Variants in DPYD observed in about 807,000 individuals in gnomAD.
DPYD encodes the protein dihydropyrimidine dehydrogenase [NADP(+)].
A neutral mutation model predicts 116.2 loss-of-function variants in DPYD; 109 were observed. The ratio of observed to expected loss-of-function variants is 0.94; its 90% CI spans 0.80 to 1.10. The LOEUF (loss-of-function observed/expected upper bound fraction) is 1.10, where lower values mean the gene tolerates loss of function less well. Among genes scored for constraint, DPYD ranks in the 50% least tolerant of loss-of-function variants. DPYD has a pLI of 0.00. For synonymous variants in DPYD, 440 were observed against 432.0 expected (o/e 1.02, Z -0.23); for missense variants, 1,302 against 1,254.5 (o/e 1.04, Z -0.57).
At chr1:97,263,261 G>T (rs1000899503) in intron 18 of DPYD, among the ~76,000 whole-genome samples, 9 of 152,156 alleles carry the variant, frequency 5.9e-5, no homozygotes, top group African/African-American at 2.2e-4. Context: ...AAATTGCATA[G>T]AAGAATTGTA....
chr1:97,336,731 C>T (rs1189017152), intron 16 of DPYD, among the ~76,000 whole-genome samples: 1 of 152,094 alleles, frequency 6.6e-6, no homozygotes, highest in Admixed American at 6.5e-5. Flanking sequence ...GCCTGGGTGA[C>T]AAGAGCAAAA....
chr1:97,109,661 A>T (rs914818728), intron 20 of DPYD, among the ~76,000 whole-genome samples: 3 of 152,022 alleles, frequency 2.0e-5, no homozygotes, highest in African/African-American at 7.2e-5. Flanking sequence ...ATGCAGAAAC[A>T]CCTGTTTTAA....
chr1:97,173,023 T>C (rs1283411369), intron 20 of DPYD, among the ~76,000 whole-genome samples: 1 of 151,474 alleles, frequency 6.6e-6, no homozygotes, highest in East Asian at 2.0e-4. Flanking sequence ...TGTTGAGGAG[T>C]GGTAATTGAA....
At chr1:97,131,684 A>G (rs1653355358) in intron 20 of DPYD, among the ~76,000 whole-genome samples, 1 of 152,148 alleles carries the variant, frequency 6.6e-6, no homozygotes, top group Non-Finnish European at 1.5e-5. Context: ...CTGATCACAT[A>G]TGACTCAATA....
intron 4 of DPYD, among the ~76,000 whole-genome samples, chr1:97,739,186 C>T (rs931181910): frequency 2.0e-5 from 3 of 152,050 alleles, no homozygotes; most frequent in Non-Finnish European, 4.4e-5. Context: ...ACTTCAAAAA[C>T]AGCAATCACT....
intron 3 of DPYD, among the ~76,000 whole-genome samples, chr1:97,778,676 G>C (rs1173496402): frequency 2.0e-5 from 3 of 152,040 alleles, no homozygotes; most frequent in Non-Finnish European, 4.4e-5. Context: ...CATAACAAAA[G>C]GCATTTATTT....
At chr1:97,686,016 T>G (rs1449683811) in intron 7 of DPYD, among the ~76,000 whole-genome samples, 1 of 152,188 alleles carries the variant, frequency 6.6e-6, no homozygotes, top group Non-Finnish European at 1.5e-5. Context: ...AGAGCCCATA[T>G]AGCCAAGACA....
At chr1:97,310,947 A>G (rs1667476038) in intron 16 of DPYD, among the ~76,000 whole-genome samples, 1 of 151,818 alleles carries the variant, frequency 6.6e-6, no homozygotes, top group Non-Finnish European at 1.5e-5. Flanking sequence ...ATCATGCCAC[A>G]ACTTGGAATT....
At chr1:97,591,932 T>C (rs560170147) in intron 10 of DPYD, among the ~76,000 whole-genome samples, 1 of 151,970 alleles carries the variant, frequency 6.6e-6, no homozygotes, top group Admixed American at 6.5e-5. Flanking sequence ...AAAACTACCT[T>C]GGATTTTATA....
At chr1:97,281,728 T>A (rs749188014) in intron 18 of DPYD, among the ~76,000 whole-genome samples, 15 of 151,974 alleles carry the variant, frequency 9.9e-5, no homozygotes, top group Admixed American at 3.9e-4. Flanking sequence ...AAATAGAGGG[T>A]TTAACACACA....
At chr1:97,371,677 A>G (rs917989841) in intron 16 of DPYD, among the ~76,000 whole-genome samples, 6 of 152,232 alleles carry the variant, frequency 3.9e-5, no homozygotes, top group African/African-American at 1.4e-4. Flanking sequence ...ATGTGTCCTC[A>G]GGCAGAGAAA....
intron 16 of DPYD, among the ~76,000 whole-genome samples, chr1:97,352,393 T>C (rs1181053866): frequency 6.6e-6 from 1 of 152,204 alleles, no homozygotes; most frequent in East Asian, 1.9e-4. Context: ...ATCAGTGAAT[T>C]AACTGAATTC....
intron 2 of DPYD, among the ~76,000 whole-genome samples, chr1:97,832,995 G>GAAAAAAAAAAAAAAAAAAA (rs1161903108): frequency 1.7e-5 from 1 of 59,008 alleles, no homozygotes; most frequent in Non-Finnish European, 3.7e-5. Flanking sequence ...AAGAGGCAAA[G>GAAAAAAAAAAAAAAAAAAA]AAAAAAAAAA....
At chr1:97,461,849 T>C (rs990125838) in intron 13 of DPYD, among the ~76,000 whole-genome samples, 2 of 152,188 alleles carry the variant, frequency 1.3e-5, no homozygotes, top group African/African-American at 4.8e-5. Context: ...CAAAAAGCAA[T>C]CTTTATCACA....
At position 97,746,934 on chromosome 1, in the gene DPYD, T is replaced by C. The variant is rs1664591734; in HGVS notation, c.234-6455A>G. ...TTTGGATTTTTTTTGTTGTTGTTAGTGGTGTGTGTTTTTTTTTTGTTGCTA... is the reference window on the plus strand; with the variant it reads ...TTTGGATTTTTTTTGTTGTTGTTAGCGGTGTGTGTTTTTTTTTTGTTGCTA... On this transcript the variant is annotated intron_variant, in intron 3 of 22. Transcript: ENST00000370192. 2.0e-5 allele frequency among the ~76,000 whole-genome samples: 3 copies of C among 151,650 alleles called. No individual in the cohort carries two copies. The South Asian group carries it at 6.2e-4, about 32-fold the overall frequency.
chr1:97,089,613 C>T (rs1476715440), intron 21 of DPYD, among the ~76,000 whole-genome samples: 3 of 152,036 alleles, frequency 2.0e-5, no homozygotes, highest in Non-Finnish European at 4.4e-5. Context: ...CTTTTGATAC[C>T]CTCTTCTTCC....
At chr1:97,572,327 C>T (rs1652958243) in intron 11 of DPYD, among the ~76,000 whole-genome samples, 1 of 151,934 alleles carries the variant, frequency 6.6e-6, no homozygotes, top group African/African-American at 2.4e-5. Flanking sequence ...CCTGCGCGCA[C>T]ACACACACAA....
intron 19 of DPYD, among the ~76,000 whole-genome samples, chr1:97,218,042 G>A (rs71656171): frequency 0.011 from 1,689 of 152,292 alleles, 13 homozygotes; most frequent in South Asian, 0.022. Flanking sequence ...GTTGAGCAAA[G>A]TATTATAAAA....
chr1:97,859,767 T>C (rs1457483468), intron 2 of DPYD, among the ~76,000 whole-genome samples: 2 of 152,192 alleles, frequency 1.3e-5, no homozygotes, highest in East Asian at 1.9e-4. Context: ...TATTTAATAA[T>C]AGTAAAAATA....
Sources: gnomAD v4.1 joint callset for allele counts (sites outside exome capture counted in the v4.1 genomes callset) on GRCh38, gnomAD v4.1.1 for gene constraint, MANE v1.5 for transcripts, NCBI Gene and HGNC (gene_info 2026-07-23, HGNC 2026-07-21) for gene names.